The following PLA2G4B variants were observed in gnomAD, a reference collection of about 807,000 sequenced individuals.
PLA2G4B encodes cytosolic phospholipase A2 beta.
PLA2G4B carries 122 observed loss-of-function variants against 95.8 expected under a neutral mutation model. The ratio of observed to expected loss-of-function variants is 1.27; its 90% CI spans 1.10 to 1.48. The LOEUF is 1.48. PLA2G4B is among the 40% of genes most tolerant of loss of function. The pLI, the probability that PLA2G4B is intolerant of heterozygous loss-of-function variation, is 0.00. For missense variants in PLA2G4B, 1,158 were observed against 996.2 expected (o/e 1.16, Z -2.19); for synonymous variants, 518 against 421.5 (o/e 1.23, Z -2.80).
At position 41,847,976 on chromosome 15, in the gene PLA2G4B, G is replaced by C. The variant is rs1224861510; in HGVS notation, c.*116G>C. 16 of 1,373,542 alleles carry C rather than the reference G, an allele frequency of 1.2e-5. 1 individual carries two copies. Among genetic ancestry groups the C allele is most frequent in the South Asian group, 1.4e-5 (1 of 69,950 alleles). The allele number at this position is 1,373,542 out of a possible 1,614,324, so 85.1% of individuals were successfully genotyped here. A position where few individuals can be genotyped will look rare whatever the true frequency, so the allele number is the denominator to read the frequency against. On this transcript the variant is annotated 3_prime_UTR_variant, in exon 20 of 20. Transcript: ENST00000458483. ...TCGGGCTCAGGTGGCACGGTCCCAG[G>C]GTCCAGGCTGAGGGCTGGGAGCTCC...
At chr15:41,844,668 C>G in intron 12 of PLA2G4B, 61 bp downstream of exon 12, 1 of 1,609,672 alleles carries the variant, frequency 6.2e-7, no homozygotes. Flanking sequence ...TGCCAGGGTT[C>G]TCCTAGGCCT....
At chr15:41,840,078 C>T in intron 1 of PLA2G4B, 80 bp from the exon 2 acceptor site, 1 of 1,519,530 alleles carries the variant, frequency 6.6e-7, no homozygotes, top group Non-Finnish European at 8.9e-7. Flanking sequence ...CCTTGAGGCA[C>T]TGCTCCAGCC....
At chr15:41,841,149 C>T in intron 5 of PLA2G4B, 54 bp downstream of exon 5, 1 of 1,613,860 alleles carries the variant, frequency 6.2e-7, no homozygotes, top group South Asian at 1.1e-5. Flanking sequence ...GGAAGGACAG[C>T]ACTAGTGCCT....
intron 1 of PLA2G4B, chr15:41,839,228 C>T (rs2140886494): frequency 3.3e-6 from 1 of 300,870 alleles, no homozygotes; most frequent in East Asian, 7.4e-5. Flanking sequence ...AGTGGCTCCT[C>T]CATGCTCCTC....
intron 9 of PLA2G4B, 26 bp from the exon 10 acceptor site, chr15:41,842,528 G>A: frequency 6.2e-7 from 1 of 1,611,746 alleles, no homozygotes; most frequent in South Asian, 1.1e-5. Context: ...CCGACCTTTT[G>A]TGACTGGGGC....
At position 41,846,332 on chromosome 15, in the gene PLA2G4B, T is replaced by A; in HGVS notation, c.1730T>A (p.Leu577His). Residue 577 changes from leucine (L) to histidine (H), a missense_variant, in exon 17 of 20, where the codon CTC becomes CAC. Leu to His is a moderately conservative substitution (Grantham distance 99). Coordinates refer to ENST00000458483, the MANE Select transcript of PLA2G4B (RefSeq NM_001114633.2). The stretch of plus-strand genomic sequence containing the variant: ...GCCACACATAATTTCCTGCGTGGCC[T>A]CCATTTCCACAAAGACTACTTTCAG... The part of the protein sequence containing the change: ...AQATHNFLRG[L>H]HFHKDYFQHP... 6.2e-7 allele frequency: 1 copy of A among 1,611,252 alleles called. No individual in the cohort carries two copies. Among genetic ancestry groups the A allele is most frequent in the Non-Finnish European group, 8.5e-7 (1 of 1,177,476 alleles).
chr15:41,842,349 G>C, intron 9 of PLA2G4B, 73 bp downstream of exon 9: 11 of 1,592,118 alleles, frequency 6.9e-6, no homozygotes, highest in Non-Finnish European at 9.4e-6. Flanking sequence ...GGAGGGGCCT[G>C]CTTCCCGCTT....
chr15:41,841,097 T>A lies in PLA2G4B; in HGVS notation c.392+2T>A, dbSNP rs745558801. 1.3e-4 allele frequency: 211 copies of A among 1,599,770 alleles called. No homozygotes were observed. The highest frequency in any genetic ancestry group is 1.7e-4 in the Non-Finnish European group (200 of 1,170,206). On this transcript the variant is annotated splice_donor_variant, in intron 5 of 19. Transcript: ENST00000458483. LOFTEE classifies it high-confidence loss of function. ...AGTTGAATTTCGCCTGCAGAGTCTG[T>A]GAGTCAGGGGCCTGGGGCAGTTTGG...
At chr15:41,845,405 C>T in intron 14 of PLA2G4B, 85 bp downstream of exon 14, 4 of 1,521,470 alleles carry the variant, frequency 2.6e-6, no homozygotes, top group South Asian at 2.4e-5. Context: ...TTGCAGATGT[C>T]ACACCCACCT....
At chr15:41,842,739 C>G in intron 10 of PLA2G4B, 148 bp downstream of exon 10, 3 of 1,254,472 alleles carry the variant, frequency 2.4e-6, no homozygotes, top group Non-Finnish European at 2.2e-6. Context: ...CGAGGGGGCA[C>G]GAAGTACTGG....
chr15:41,841,738 G>T, intron 7 of PLA2G4B, 81 bp from the exon 8 acceptor site: 4 of 1,579,880 alleles, frequency 2.5e-6, no homozygotes, highest in Non-Finnish European at 3.4e-6. Context: ...AGAGGGAGGT[G>T]CCCTCCAGGC....
At chr15:41,847,153 C>A (rs1452563423) in intron 18 of PLA2G4B, among the ~76,000 whole-genome samples, 184 bp from the exon 19 acceptor site, 1 of 151,802 alleles carries the variant, frequency 6.6e-6, no homozygotes, top group East Asian at 1.9e-4. Flanking sequence ...TCCGTCTAGC[C>A]CCAGAGGAGC....
intron 14 of PLA2G4B, 91 bp downstream of exon 14, chr15:41,845,411 C>T: frequency 6.6e-7 from 1 of 1,508,740 alleles, no homozygotes; most frequent in Non-Finnish European, 9.0e-7. Flanking sequence ...ATGTCACACC[C>T]ACCTCTCCTG....
chr15:41,847,307 C>A, intron 18 of PLA2G4B, 30 bp from the exon 19 acceptor site: 1 of 1,568,300 alleles, frequency 6.4e-7, no homozygotes, highest in Non-Finnish European at 8.7e-7. Context: ...GGGCCCTGTC[C>A]CTCTGAAGCC....
At chr15:41,845,503 C>A in intron 14 of PLA2G4B, 135 bp from the exon 15 acceptor site, 1 of 1,485,878 alleles carries the variant, frequency 6.7e-7, no homozygotes, top group East Asian at 2.3e-5. Context: ...GCCTTAGGTC[C>A]TATGCACGAA....
Position 41,846,492 on chromosome 15 carries a change from G to T in PLA2G4B, c.1780+110G>T, listed in dbSNP as rs2065549252. On this transcript the variant is annotated intron_variant, in intron 17 of 19. Coordinates refer to ENST00000458483, the MANE Select transcript of PLA2G4B (RefSeq NM_001114633.2). ...CTCCTGCTTTGAGCTTGATTCCCTG[G>T]ACTACTTGGAACAGGGGTCTTTTTC... The T allele has an allele frequency of 6.6e-6, 10 of 1,515,876 alleles. No individual in the cohort carries two copies. The South Asian group carries it at 1.2e-4, about 18-fold the overall frequency. The allele number at this position is 1,515,876 out of a possible 1,614,324, so 93.9% of individuals were successfully genotyped here.
At chr15:41,846,867 CGGT>C (rs774575576) in intron 18 of PLA2G4B, 32 bp downstream of exon 18, 2 of 1,582,890 alleles carry the variant, frequency 1.3e-6, no homozygotes, top group Non-Finnish European at 1.7e-6. Context: ...ACCAGGGAGG[CGGT>C]GGGTGGCCCC....
Position 41,847,724 on chromosome 15 carries a change from C to T in PLA2G4B, c.2210C>T (p.Thr737Met), listed in dbSNP as rs747669035. The stretch of plus-strand genomic sequence containing the variant: ...TCATCGGACTCTCCCTACCACTACA[C>T]GAAGGTGACCTACAGCCAGGAGGAC... The part of the protein sequence containing the change: ...LSSSDSPYHY[T>M]KVTYSQEDVD... The change falls in exon 20 of 20, where the codon ACG (threonine) becomes ATG (methionine). Residue 737 changes from threonine (T) to methionine (M), a missense_variant. Physicochemically the swap from Thr to Met is moderately conservative, Grantham distance 81 (BLOSUM62 -1). Coordinates refer to ENST00000458483, the MANE Select transcript of PLA2G4B (RefSeq NM_001114633.2). The T allele has an allele frequency of 4.3e-6, 7 of 1,613,608 alleles. No homozygotes were observed. The highest frequency in any genetic ancestry group is 1.3e-5 in the African/African-American group (1 of 74,934).
In PLA2G4B at chr15:41,848,093, T is replaced by G. The variant is rs1228155021; in HGVS notation, c.*233T>G. On this transcript the variant is annotated 3_prime_UTR_variant, in exon 20 of 20. Transcript: ENST00000458483. ...CCCGGCCTGTGCCTGTTTTCCCTTC[T>G]GCGCTACCTTGAGTAGTTGGAGCAC... is the stretch of plus-strand genomic sequence containing the variant. The G allele has an allele frequency of 8.3e-6, 5 of 603,984 alleles. No individual in the cohort carries two copies. The highest frequency in any genetic ancestry group is 1.5e-5 in the Non-Finnish European group (5 of 343,606). 37.4% of individuals were successfully genotyped at this position (603,984 alleles called of 1,614,324 possible).
Sources: gnomAD v4.1 joint callset for allele counts (sites outside exome capture counted in the v4.1 genomes callset) on GRCh38, gnomAD v4.1.1 for gene constraint, MANE v1.5 for transcripts, NCBI Gene and HGNC (gene_info 2026-07-23, HGNC 2026-07-21) for gene names.